Variants in KMT2C observed in about 807,000 individuals in gnomAD.
KMT2C encodes the protein lysine methyltransferase 2C.
Under a neutral mutation model 507.9 loss-of-function variants are expected in KMT2C, and 88 were observed. The observed-to-expected ratio is 0.17, with a 90% CI of 0.15 to 0.21. The LOEUF (loss-of-function observed/expected upper bound fraction) is 0.21. Ranked by LOEUF, KMT2C falls within the 10% of genes least tolerant of loss-of-function variation. The pLI is 1.00. For synonymous variants in KMT2C, 2,049 were observed against 2,080.8 expected, an observed-to-expected ratio of 0.98 and a Z score of 0.42; for missense variants, 4,954 against 5,957.8, an observed-to-expected ratio of 0.83 and a Z score of 5.55.
intron 1 of KMT2C, among the ~76,000 whole-genome samples, chr7:152,419,239 T>C (rs1219617180): frequency 1.3e-5 from 2 of 151,940 alleles, no homozygotes; most frequent in South Asian, 2.1e-4. Context: ...TAATCCCAGC[T>C]ACTCAGGAGG....
chr7:152,257,864 C>T (rs1374291986), intron 9 of KMT2C, among the ~76,000 whole-genome samples: 17 of 146,706 alleles, frequency 1.2e-4, no homozygotes, highest in East Asian at 3.9e-4. Context: ...TACACACACA[C>T]GCACACACAC....
Position 152,176,253 on chromosome 7 carries a change from T to G in KMT2C, c.9200A>C (p.Gln3067Pro). ...DLLDQERQEQ[Q>P]QQRQMQAMIR... Reference sequence around the variant, plus strand: ...CATGGCTTGCATCTGTCTTTGCTGCTGCTGTTCTTGCCTTTCTTGATCCAA... The same window carrying G: ...CATGGCTTGCATCTGTCTTTGCTGCGGCTGTTCTTGCCTTTCTTGATCCAA... The change falls in exon 38 of 59, where the codon CAG (glutamine) becomes CCG (proline). Residue 3067 changes from glutamine to proline, a missense_variant. Physicochemically the swap from Gln to Pro is moderately conservative, Grantham distance 76. Transcript: ENST00000262189. The G allele has an allele frequency of 1.9e-6, 3 of 1,614,140 alleles. No homozygotes were observed. Among genetic ancestry groups the G allele is most frequent in the Non-Finnish European group, 8.5e-7 (1 of 1,179,990 alleles).
chr7:152,278,595 C>CTA (rs201459922), intron 6 of KMT2C, among the ~76,000 whole-genome samples: 7 of 151,920 alleles, frequency 4.6e-5, no homozygotes, highest in East Asian at 1.9e-4. Flanking sequence ...ACAGGAGCAG[C>CTA]TATATATATG....
Position 152,213,153 on chromosome 7 carries a change from C to T in KMT2C, c.3713-5725G>A, listed in dbSNP as rs372387864. Reference sequence around the variant, plus strand: ...TGTCCATACTATCCAAAGTGATCTACAGATTCAATGCAATCCCTATCAAAT... The same window carrying T: ...TGTCCATACTATCCAAAGTGATCTATAGATTCAATGCAATCCCTATCAAAT... On this transcript the variant is annotated intron_variant, in intron 23 of 58. Transcript: ENST00000262189. Among the ~76,000 whole-genome samples, 83 of 152,328 alleles carry T rather than the reference C, an allele frequency of 5.4e-4. 2 individuals are homozygous for T. The South Asian group carries it at 0.013, about 24-fold the overall frequency.
intron 1 of KMT2C, among the ~76,000 whole-genome samples, chr7:152,422,316 G>T (rs981083838): frequency 1.3e-5 from 2 of 151,372 alleles, no homozygotes; most frequent in African/African-American, 4.8e-5. Flanking sequence ...TTAGCCAGGC[G>T]TGGTGGCAGA....
intron 2 of KMT2C, among the ~76,000 whole-genome samples, chr7:152,338,154 A>G (rs1425314826): frequency 6.6e-6 from 1 of 152,194 alleles, no homozygotes; most frequent in Non-Finnish European, 1.5e-5. Flanking sequence ...CACCGTGCCC[A>G]GCCCTCACCT....
Position 152,218,926 on chromosome 7 carries a change from G to A in KMT2C, c.3712+1597C>T, listed in dbSNP as rs541413708. Among the ~76,000 whole-genome samples the A allele has an allele frequency of 2.0e-5, 3 of 151,524 alleles. No homozygotes were observed. The East Asian group carries it at 5.8e-4, about 29-fold the overall frequency. On this transcript the variant is annotated intron_variant, in intron 23 of 58. Transcript: ENST00000262189. The stretch of plus-strand genomic sequence containing the variant: ...TCTTTAAAATCTGTGCTCAAATACT[G>A]CTTTCTGTTCATATGGACCCTAAAC...
At chr7:152,251,912 T>C in intron 11 of KMT2C, 27 bp downstream of exon 11, 1 of 1,550,498 alleles carries the variant, frequency 6.4e-7, no homozygotes, top group Non-Finnish European at 8.7e-7. Flanking sequence ...AACAAAAAAT[T>C]TAAAAAAAAA....
intron 13 of KMT2C, among the ~76,000 whole-genome samples, 185 bp downstream of exon 13, chr7:152,249,691 A>AAAAAAAAAAAAAC (rs2095532931): frequency 6.6e-6 from 1 of 151,184 alleles, no homozygotes; most frequent in African/African-American, 2.4e-5. Context: ...AAAAAAAAAA[A>AAAAAAAAAAAAAC]AAAAAAAACC....
intron 1 of KMT2C, among the ~76,000 whole-genome samples, chr7:152,390,684 T>C (rs1009693083): frequency 3.3e-5 from 5 of 152,046 alleles, no homozygotes; most frequent in Non-Finnish European, 7.4e-5. Context: ...AACTAAGAAA[T>C]GAAAGTGCTG....
At chr7:152,297,057 G>GACAGACAGAC (rs756980169) in intron 6 of KMT2C, among the ~76,000 whole-genome samples, 8 of 90,754 alleles carry the variant, frequency 8.8e-5, no homozygotes, top group East Asian at 3.7e-4. Flanking sequence ...AAGAAAGACA[G>GACAGACAGAC]AGAGAGAGAG....
chr7:152,263,298 T>TC (rs1346647376), intron 8 of KMT2C, among the ~76,000 whole-genome samples, 168 bp from the exon 9 acceptor site: 1 of 152,214 alleles, frequency 6.6e-6, no homozygotes, highest in Non-Finnish European at 1.5e-5. Context: ...AAGGATTACC[T>TC]CCTAAATGGT....
At position 152,323,650 on chromosome 7, in the gene KMT2C, A is replaced by AG. The variant is rs1402871159; in HGVS notation, c.389+6950_389+6951insC. Among the ~76,000 whole-genome samples, 134 of 149,826 alleles carry AG rather than the reference A, an allele frequency of 8.9e-4. 9 individuals are homozygous for AG. Among genetic ancestry groups the AG allele is most frequent in the East Asian group, 3.9e-4 (2 of 5,096 alleles). ...TGACACCCTTTCAAAGAAAAAAAAAAAGAGAGAGAAAGAGAAAGAAAGGAA... is the reference window on the plus strand; with the variant it reads ...TGACACCCTTTCAAAGAAAAAAAAAAGAGAGAGAGAAAGAGAAAGAAAGGAA... On this transcript the variant is annotated intron_variant, in intron 3 of 58. Coordinates refer to ENST00000262189, the MANE Select transcript of KMT2C (RefSeq NM_170606.3).
At chr7:152,297,067 G>C (rs796641636) in intron 6 of KMT2C, among the ~76,000 whole-genome samples, 2,657 of 85,182 alleles carry the variant, frequency 0.031, 30 homozygotes, top group Non-Finnish European at 0.043. Flanking sequence ...GAGAGAGAGA[G>C]AGAGAGAGAG....
chr7:152,282,428 G>C (rs1274677028), intron 6 of KMT2C, among the ~76,000 whole-genome samples: 3 of 149,284 alleles, frequency 2.0e-5, no homozygotes, highest in South Asian at 2.2e-4. Flanking sequence ...ACCTCAAATT[G>C]AAAGTCCTCA....
intron 6 of KMT2C, among the ~76,000 whole-genome samples, chr7:152,277,532 CATT>C (rs2096106276): frequency 6.6e-6 from 1 of 152,142 alleles, no homozygotes; most frequent in African/African-American, 2.4e-5. Flanking sequence ...CCGAAAGAGT[CATT>C]ATCACTGTTC....
At chr7:152,364,621 GAAAAGAAA>G (rs1162137063) in intron 1 of KMT2C, among the ~76,000 whole-genome samples, 3 of 127,982 alleles carry the variant, frequency 2.3e-5, no homozygotes, top group East Asian at 2.2e-4. Flanking sequence ...AAAAAAAAAA[GAAAAGAAA>G]AAAAGAAAAA....
intron 1 of KMT2C, among the ~76,000 whole-genome samples, chr7:152,379,515 G>A (rs184699746): frequency 6.6e-6 from 1 of 151,750 alleles, no homozygotes; most frequent in Non-Finnish European, 1.5e-5. Context: ...TCCAGCCTAG[G>A]CGACAGAGTA....
At chr7:152,155,776 A>G in intron 46 of KMT2C, 134 bp downstream of exon 46, 1 of 867,208 alleles carries the variant, frequency 1.2e-6, no homozygotes, top group Non-Finnish European at 1.7e-6. Flanking sequence ...TTAAATCCTG[A>G]AGATTATTCA....
Sources: allele counts gnomAD v4.1 joint callset (sites outside exome capture counted in the v4.1 genomes callset), GRCh38; gene constraint gnomAD v4.1.1; transcripts MANE v1.5; gene names NCBI Gene and HGNC (gene_info 2026-07-23, HGNC 2026-07-21).